Variants in RNF150 observed in about 807,000 individuals in gnomAD.
The protein encoded by RNF150 is ring finger protein 150.
Under a neutral mutation model 39.3 loss-of-function variants are expected in RNF150, and 24 were observed. The ratio of observed to expected loss-of-function variants is 0.61; its 90% CI spans 0.44 to 0.86. RNF150 has a LOEUF of 0.86. RNF150 is among the 40% of genes least tolerant of loss of function. The pLI, the probability that RNF150 is intolerant of heterozygous loss-of-function variation, is 0.00. For missense variants in RNF150, 502 were observed against 587.8 expected, an observed-to-expected ratio of 0.85 and a Z score of 1.51; for synonymous variants, 255 against 227.3, an observed-to-expected ratio of 1.12 and a Z score of -1.10.
intron 1 of RNF150, among the ~76,000 whole-genome samples, chr4:141,078,850 T>C (rs34299443): frequency 0.37 from 47,836 of 129,380 alleles, 9,260 homozygotes; most frequent in South Asian, 0.56. Flanking sequence ...CACACACACA[T>C]ACATACATAC....
At chr4:141,158,429 A>G (rs895258434) in intron 1 of RNF150, among the ~76,000 whole-genome samples, 27 of 150,996 alleles carry the variant, frequency 1.8e-4, no homozygotes, top group African/African-American at 6.1e-4. Flanking sequence ...GGAGGTCACT[A>G]TTATTTCACA....
intron 1 of RNF150, among the ~76,000 whole-genome samples, chr4:141,039,898 T>C (rs1381233947): frequency 6.6e-6 from 1 of 152,076 alleles, no homozygotes; most frequent in Non-Finnish European, 1.5e-5. Flanking sequence ...ACATGTAATA[T>C]AGGAAGAAGC....
intron 1 of RNF150, among the ~76,000 whole-genome samples, chr4:141,143,488 C>G (rs1291330574): frequency 6.6e-6 from 1 of 152,180 alleles, no homozygotes; most frequent in Non-Finnish European, 1.5e-5. Context: ...CTCTCCATCT[C>G]CCCATTACCA....
intron 1 of RNF150, among the ~76,000 whole-genome samples, chr4:141,146,125 T>A (rs1578765954): frequency 1.3e-5 from 2 of 152,254 alleles, no homozygotes; most frequent in African/African-American, 4.8e-5. Context: ...CAATGAGATC[T>A]GCTACATTCT....
chr4:141,169,078 C>A (rs560364359), intron 1 of RNF150, among the ~76,000 whole-genome samples: 1 of 152,088 alleles, frequency 6.6e-6, no homozygotes. Flanking sequence ...CCATATCTTA[C>A]GTTGAATTGT....
chr4:140,999,887 G>A (rs916085978), intron 1 of RNF150, among the ~76,000 whole-genome samples: 3 of 149,748 alleles, frequency 2.0e-5, no homozygotes, highest in Admixed American at 6.8e-5. Context: ...GTAGTGAGCC[G>A]AGATCACGCC....
intron 1 of RNF150, among the ~76,000 whole-genome samples, chr4:141,149,424 A>G (rs1727259748): frequency 1.3e-5 from 2 of 152,130 alleles, no homozygotes; most frequent in Non-Finnish European, 2.9e-5. Context: ...AGTCCAATAT[A>G]TCATTCTTAT....
In RNF150 at chr4:140,862,956, C is replaced by T. The variant is rs994259376; in HGVS notation, c.*5305G>A. ...TGACACTCCCATCCCATTTTAACTGCCAACATCAAACGTATTCATCCATGC... is the reference window on the plus strand; with the variant it reads ...TGACACTCCCATCCCATTTTAACTGTCAACATCAAACGTATTCATCCATGC... On this transcript the variant is annotated 3_prime_UTR_variant, in exon 7 of 7. Transcript: ENST00000515673. The T allele has an allele frequency of 2.6e-5, 4 of 151,996 alleles. No individual in the cohort carries two copies. Among genetic ancestry groups the T allele is most frequent in the African/African-American group, 9.7e-5 (4 of 41,370 alleles). The allele number at this position is 151,996 out of a possible 1,614,324, so 9.4% of individuals were successfully genotyped here. A position where few individuals can be genotyped will look rare whatever the true frequency, so the allele number is the denominator to read the frequency against.
chr4:140,880,882 CTATT>C (rs1363656878), intron 6 of RNF150, among the ~76,000 whole-genome samples: 4 of 152,006 alleles, frequency 2.6e-5, no homozygotes, highest in Non-Finnish European at 4.4e-5. Context: ...TAATGTCTAA[CTATT>C]TATTCAAGTC....
At chr4:140,993,616 T>C (rs1345563002) in intron 1 of RNF150, among the ~76,000 whole-genome samples, 1 of 152,214 alleles carries the variant, frequency 6.6e-6, no homozygotes, top group South Asian at 2.1e-4. Flanking sequence ...GCTGTTTATA[T>C]GGCCTTGTTT....
intron 1 of RNF150, among the ~76,000 whole-genome samples, chr4:140,992,225 G>A (rs773607189): frequency 3.9e-5 from 6 of 152,028 alleles, no homozygotes; most frequent in Non-Finnish European, 8.8e-5. Flanking sequence ...TGGGGAGCCA[G>A]GTGTGGTAGC....
At chr4:140,913,565 C>T (rs1360304150) in intron 5 of RNF150, among the ~76,000 whole-genome samples, 2 of 152,160 alleles carry the variant, frequency 1.3e-5, no homozygotes, top group Non-Finnish European at 2.9e-5. Flanking sequence ...TTCCCAGGTC[C>T]AGTGTCCCCT....
chr4:140,930,991 T>G (rs1355385821), intron 4 of RNF150, among the ~76,000 whole-genome samples: 2 of 151,924 alleles, frequency 1.3e-5, no homozygotes, highest in African/African-American at 4.8e-5. Flanking sequence ...CTTAGCTCTG[T>G]AAGATTCAGC....
chr4:141,008,271 T>G (rs539824566), intron 1 of RNF150, among the ~76,000 whole-genome samples: 1 of 152,222 alleles, frequency 6.6e-6, no homozygotes. Flanking sequence ...TTTGTTAATT[T>G]TATATTGGGT....
chr4:141,087,273 G>A (rs1038526187), intron 1 of RNF150, among the ~76,000 whole-genome samples: 9 of 152,200 alleles, frequency 5.9e-5, no homozygotes, highest in Admixed American at 2.0e-4. Context: ...CAGTAAGGAT[G>A]ACATCCTCCA....
At chr4:141,051,990 G>A (rs761731406) in intron 1 of RNF150, among the ~76,000 whole-genome samples, 13 of 152,118 alleles carry the variant, frequency 8.5e-5, no homozygotes, top group Admixed American at 5.2e-4. Flanking sequence ...CAATCATGGC[G>A]GAAGGCAAGG....
chr4:141,010,609 A>C (rs1419796661), intron 1 of RNF150, among the ~76,000 whole-genome samples: 2 of 152,316 alleles, frequency 1.3e-5, no homozygotes, highest in Non-Finnish European at 1.5e-5. Context: ...TTGTTCTGCC[A>C]GCTTGTAATG....
At chr4:140,999,299 T>C (rs1330458860) in intron 1 of RNF150, among the ~76,000 whole-genome samples, 1 of 152,242 alleles carries the variant, frequency 6.6e-6, no homozygotes, top group Non-Finnish European at 1.5e-5. Context: ...ACTCTGCTGA[T>C]GAGCAGATCC....
intron 2 of RNF150, among the ~76,000 whole-genome samples, chr4:140,956,503 A>G (rs1361013714): frequency 6.6e-6 from 1 of 152,170 alleles, no homozygotes; most frequent in Admixed American, 6.5e-5. Context: ...CAGAATGGAG[A>G]TGAATCCTTA....
Sources: allele counts gnomAD v4.1 joint callset (sites outside exome capture counted in the v4.1 genomes callset), GRCh38; gene constraint gnomAD v4.1.1; transcripts MANE v1.5; gene names NCBI Gene and HGNC (gene_info 2026-07-23, HGNC 2026-07-21).